CEMIP: variants seen among roughly 807,000 people sequenced by gnomAD.
The protein encoded by CEMIP is cell migration-inducing and hyaluronan-binding protein.
CEMIP carries 105 observed loss-of-function variants against 156.9 expected under a neutral mutation model. The ratio of observed to expected loss-of-function variants is 0.67; its 90% CI spans 0.57 to 0.79. The LOEUF is 0.79. CEMIP is among the 30% of genes least tolerant of loss of function. The probability of loss-of-function intolerance (pLI) is 0.00; values close to 1 mark genes in which losing one functional copy is unlikely to be tolerated. For missense variants in CEMIP, 1,457 were observed against 1,769.4 expected (o/e 0.82, Z 3.17); for synonymous variants, 676 against 668.4 (o/e 1.01, Z -0.17).
Position 80,884,217 on chromosome 15 carries a change from C to T in CEMIP, c.660C>T (p.Val220=). 6.2e-7 allele frequency: 1 copy of T among 1,614,182 alleles called. No homozygotes were observed. Among genetic ancestry groups the T allele is most frequent in the Non-Finnish European group, 8.5e-7 (1 of 1,180,022 alleles). ...CCAAGAAAGAGAGTGAACGTCTGGT[C>T]CAGTATTTGAACGCGGTGCCCGATG... ...YRSKKESERL[V]QYLNAVPDGR... Residue 220 remains valine (V), a synonymous_variant, in exon 7 of 30, where the codon GTC becomes GTT. Transcript: ENST00000394685.
At chr15:80,924,509 A>T in intron 17 of CEMIP, 112 bp from the exon 18 acceptor site, 1 of 888,742 alleles carries the variant, frequency 1.1e-6, no homozygotes, top group Admixed American at 2.0e-5. Context: ...CAGCCTGAGA[A>T]CAGAGCTGGT....
In CEMIP at chr15:80,929,307, G is replaced by A. The variant is rs116679659; in HGVS notation, c.2612+133G>A. On this transcript the variant is annotated intron_variant, in intron 21 of 29. Coordinates refer to ENST00000394685, the MANE Select transcript of CEMIP (RefSeq NM_001293298.2). ...TCTACCAGCCAGAGGAATCACTGAGGTGACTGAGACTAACAATTAAGGGAT... is the reference window on the plus strand; with the variant it reads ...TCTACCAGCCAGAGGAATCACTGAGATGACTGAGACTAACAATTAAGGGAT... 1.2e-3 allele frequency: 1,430 copies of A among 1,155,912 alleles called. 7 individuals are homozygous for A. In the African/African-American group the frequency reaches 0.019, roughly 15 times the overall value. The allele number at this position is 1,155,912 out of a possible 1,614,324, so 71.6% of individuals were successfully genotyped here.
chr15:80,835,415 G>T (rs1296922054), intron 1 of CEMIP, among the ~76,000 whole-genome samples: 1 of 152,226 alleles, frequency 6.6e-6, no homozygotes, highest in Non-Finnish European at 1.5e-5. Context: ...CCCAAGACAG[G>T]GTAGGAGCTC....
Position 80,809,623 on chromosome 15 carries a change from A to G in CEMIP, c.-176+30009A>G, listed in dbSNP as rs1233334195. 2.0e-5 allele frequency among the ~76,000 whole-genome samples: 3 copies of G among 152,326 alleles called. No homozygotes were observed. The East Asian group carries it at 5.8e-4, about 29-fold the overall frequency. ...TGCAGAGTGACAGGGTTCTCTACCC[A>G]TGGTGTCACCAGGCTGAAATCAAGG... On this transcript the variant is annotated intron_variant, in intron 1 of 29. Coordinates refer to ENST00000394685, the MANE Select transcript of CEMIP (RefSeq NM_001293298.2).
intron 1 of CEMIP, among the ~76,000 whole-genome samples, chr15:80,809,648 G>T (rs1222319489): frequency 6.6e-6 from 1 of 152,170 alleles, no homozygotes; most frequent in Non-Finnish European, 1.5e-5. Context: ...TGAAATCAAG[G>T]TGTTGGCCAG....
At chr15:80,789,356 C>G (rs1896022602) in intron 1 of CEMIP, among the ~76,000 whole-genome samples, 1 of 152,178 alleles carries the variant, frequency 6.6e-6, no homozygotes, top group African/African-American at 2.4e-5. Context: ...CCCTTACTTC[C>G]CTTCCTTTTC....
At chr15:80,810,360 G>A (rs1189698273) in intron 1 of CEMIP, among the ~76,000 whole-genome samples, 1 of 151,834 alleles carries the variant, frequency 6.6e-6, no homozygotes. Flanking sequence ...AGTCACCTGT[G>A]TTTTTTTGTT....
chr15:80,921,930 G>T, intron 16 of CEMIP, 79 bp from the exon 17 acceptor site: 3 of 1,595,980 alleles, frequency 1.9e-6, no homozygotes, highest in Non-Finnish European at 2.6e-6. Flanking sequence ...CATCTCCGGC[G>T]TGGGCCGCGT....
Position 80,895,897 on chromosome 15 carries a change from C to T in CEMIP, c.1248C>T (p.Asp416=). The T allele has an allele frequency of 1.2e-6, 2 of 1,614,066 alleles. No individual in the cohort carries two copies. The highest frequency in any genetic ancestry group is 4.5e-5 in the East Asian group (2 of 44,890). ...GGCCCAAACTCACAGTCACCATTGA[C>T]ACCAATGTGAACAGCACCATTCTGA... The part of the protein sequence containing the change: ...PVRPKLTVTI[D]TNVNSTILNL... Residue 416 remains aspartate (D), a synonymous_variant, in exon 12 of 30, where the codon GAC becomes GAT. Coordinates refer to ENST00000394685, the MANE Select transcript of CEMIP (RefSeq NM_001293298.2).
rs59059719 is a variant in CEMIP, at chr15:80,837,797, G to A, written c.-175-35741G>A. On this transcript the variant is annotated intron_variant, in intron 1 of 29. Coordinates refer to ENST00000394685, the MANE Select transcript of CEMIP (RefSeq NM_001293298.2). ...GTTGGGGGCAAAGTTGCCCCGCTGA[G>A]CTCATGGTATAGACATGGGCAGTTG... Among the ~76,000 whole-genome samples the A allele has an allele frequency of 3.6e-3, 556 of 152,332 alleles. 4 individuals carry two copies. Among genetic ancestry groups the A allele is most frequent in the African/African-American group, 0.013 (534 of 41,576 alleles).
intron 1 of CEMIP, among the ~76,000 whole-genome samples, chr15:80,802,792 G>T (rs1896411957): frequency 6.6e-6 from 1 of 152,216 alleles, no homozygotes; most frequent in Admixed American, 6.5e-5. Context: ...CTAGCTTGCT[G>T]TATGAACTTG....
At chr15:80,863,619 A>T (rs1004509469) in intron 1 of CEMIP, among the ~76,000 whole-genome samples, 1 of 152,254 alleles carries the variant, frequency 6.6e-6, no homozygotes, top group African/African-American at 2.4e-5. Flanking sequence ...TTTGTAATTA[A>T]AACAAATTAT....
chr15:80,802,146 T>G (rs1896392989), intron 1 of CEMIP, among the ~76,000 whole-genome samples: 1 of 152,200 alleles, frequency 6.6e-6, no homozygotes. Context: ...CATGGCCTGG[T>G]GCTTGCATTA....
chr15:80,924,664 C>A lies in CEMIP; in HGVS notation c.2246C>A (p.Ser749Tyr), dbSNP rs1246512906. Residue 749 changes from serine to tyrosine, a missense_variant, in exon 18 of 30, where the codon TCT becomes TAT. Coordinates refer to ENST00000394685, the MANE Select transcript of CEMIP (RefSeq NM_001293298.2). ...AACGGAGTCAAAACCACCGAGGCCT[C>A]TGCCAAGGACAAGCGGCCGTTCCTC... Reference protein sequence around the residue: ...IDNGVKTTEASAKDKRPFLSI... With the variant: ...IDNGVKTTEAYAKDKRPFLSI... 2 of 1,614,218 alleles carry A rather than the reference C, an allele frequency of 1.2e-6. No individual in the cohort carries two copies. Among genetic ancestry groups the A allele is most frequent in the South Asian group, 2.2e-5 (2 of 91,074 alleles).
chr15:80,879,901 A>G, intron 5 of CEMIP, 47 bp downstream of exon 5: 15 of 1,609,820 alleles, frequency 9.3e-6, no homozygotes, highest in Non-Finnish European at 1.3e-5. Flanking sequence ...TGGATCTGAC[A>G]AGAGGGAGAC....
In CEMIP at chr15:80,825,808, C is replaced by T. The variant is rs184056557; in HGVS notation, c.-176+46194C>T. Among the ~76,000 whole-genome samples, 10 of 152,290 alleles carry T rather than the reference C, an allele frequency of 6.6e-5. No individual in the cohort carries two copies. In the East Asian group the frequency reaches 1.9e-3, roughly 29 times the overall value. On this transcript the variant is annotated intron_variant, in intron 1 of 29. Coordinates refer to ENST00000394685, the MANE Select transcript of CEMIP (RefSeq NM_001293298.2). ...TCGGGCTTTAAGAATGCTCCCCTTT[C>T]CCCAACTAAGATCTGCAGATAGCTC...
intron 16 of CEMIP, 115 bp downstream of exon 16, chr15:80,921,216 T>C (rs928466322): frequency 6.3e-6 from 6 of 950,904 alleles, no homozygotes; most frequent in Non-Finnish European, 8.1e-6. Flanking sequence ...CAGATATCCA[T>C]GCAGACGGGC....
At chr15:80,831,971 G>A (rs754849609) in intron 1 of CEMIP, among the ~76,000 whole-genome samples, 1 of 152,218 alleles carries the variant, frequency 6.6e-6, no homozygotes, top group Non-Finnish European at 1.5e-5. Context: ...GGAAGAGACC[G>A]AGATAGAAAG....
intron 24 of CEMIP, 101 bp downstream of exon 24, chr15:80,936,986 T>C: frequency 8.9e-7 from 1 of 1,124,284 alleles, no homozygotes; most frequent in Admixed American, 1.8e-5. Flanking sequence ...GGCTAGCCCA[T>C]GTGATCCATG....
Sources: allele counts gnomAD v4.1 joint callset (sites outside exome capture counted in the v4.1 genomes callset), GRCh38; gene constraint gnomAD v4.1.1; transcripts MANE v1.5; gene names NCBI Gene and HGNC (gene_info 2026-07-23, HGNC 2026-07-21).